The following WDHD1 variants were observed in gnomAD, a reference collection of about 807,000 sequenced individuals.
WDHD1 encodes the protein WD repeat and HMG-box DNA-binding protein 1.
In WDHD1, 111 loss-of-function variants were observed where a neutral mutation model predicts 135.4. That is an observed-to-expected ratio of 0.82 (90% confidence interval 0.70 to 0.96). The LOEUF (loss-of-function observed/expected upper bound fraction) is 0.96. Among genes scored for constraint, WDHD1 ranks in the 40% least tolerant of loss-of-function variants. The probability of loss-of-function intolerance (pLI) is 0.00; values close to 1 mark genes in which losing one functional copy is unlikely to be tolerated. For missense variants in WDHD1, 1,351 were observed against 1,336.3 expected, an observed-to-expected ratio of 1.01 and a Z score of -0.17; for synonymous variants, 434 against 439.0, an observed-to-expected ratio of 0.99 and a Z score of 0.14.
Position 54,991,821 on chromosome 14 carries a change from C to T in WDHD1, c.1154-421G>A, listed in dbSNP as rs74784943. On this transcript the variant is annotated intron_variant, in intron 11 of 25. Transcript: ENST00000360586. ...AGTGATTTTTTTTCATACAACACTA[C>T]TTTTACTTAAAAAACACATGCCAGA... 2.0e-5 allele frequency among the ~76,000 whole-genome samples: 3 copies of T among 151,856 alleles called. No individual in the cohort carries two copies. In the South Asian group the frequency reaches 6.2e-4, roughly 32 times the overall value.
At chr14:55,013,149 C>T (rs2042198825) in intron 3 of WDHD1, among the ~76,000 whole-genome samples, 2 of 139,176 alleles carry the variant, frequency 1.4e-5, no homozygotes, top group African/African-American at 2.8e-5. Context: ...CTGCTTGAGC[C>T]CAGGAGTTTG....
At chr14:55,007,231 TAAAAA>T (rs369698327) in intron 7 of WDHD1, 44 bp downstream of exon 7, 27 of 1,056,712 alleles carry the variant, frequency 2.6e-5, no homozygotes, top group Admixed American at 6.3e-5. Flanking sequence ...CCATCTCTAA[TAAAAA>T]AAAAAAAAAA....
intron 25 of WDHD1, among the ~76,000 whole-genome samples, chr14:54,942,119 CG>C (rs2040848807): frequency 1.3e-5 from 2 of 151,904 alleles, no homozygotes; most frequent in East Asian, 3.9e-4. Flanking sequence ...GGCATGGTAG[CG>C]GGCGCCTGTA....
chr14:55,026,685 A>T, intron 2 of WDHD1, 26 bp downstream of exon 2: 2 of 1,612,410 alleles, frequency 1.2e-6, no homozygotes, highest in Non-Finnish European at 1.7e-6. Context: ...TTTGCACCTA[A>T]AACGTTGTTT....
intron 7 of WDHD1, chr14:55,005,141 C>T (rs1424218336): frequency 1.5e-5 from 8 of 535,398 alleles, no homozygotes; most frequent in African/African-American, 5.7e-5. Flanking sequence ...GCCACACATG[C>T]GAACTTCCTG....
At chr14:54,999,399 C>T (rs1365099444) in intron 10 of WDHD1, among the ~76,000 whole-genome samples, 1 of 152,148 alleles carries the variant, frequency 6.6e-6, no homozygotes, top group Admixed American at 6.5e-5. Flanking sequence ...GACTAGAACA[C>T]TCTATGTGCT....
intron 13 of WDHD1, 141 bp from the exon 14 acceptor site, chr14:54,987,528 AAAGT>A (rs1339288163): frequency 1.2e-5 from 8 of 669,540 alleles, no homozygotes; most frequent in Middle Eastern, 9.1e-4. Flanking sequence ...TTGCTTTAAA[AAAGT>A]AATTATGAAA....
Position 55,008,678 on chromosome 14 carries a change from T to C in WDHD1, c.383A>G (p.Gln128Arg), listed in dbSNP as rs766968345. 6.2e-7 allele frequency: 1 copy of C among 1,613,590 alleles called. No homozygotes were observed. The highest frequency in any genetic ancestry group is 8.5e-7 in the Non-Finnish European group (1 of 1,179,916). Residue 128 changes from glutamine (Q) to arginine (R), a missense_variant, in exon 5 of 26, where the codon CAA (glutamine) becomes CGA (arginine). This residue lies in a region of WDHD1 where 1,330 missense variants were observed against 1,296.1 expected (regional missense o/e 1.03). Coordinates refer to ENST00000360586, the MANE Select transcript of WDHD1 (RefSeq NM_007086.4). ...VKIVDVMDSS[Q>R]QKTFRGHDAP... ...ATCATGTCCTCGAAATGTTTTCTGT[T>C]GGCTGCTATCCATCACATCCACAAT...
At chr14:54,998,208 GA>G (rs112728495) in intron 10 of WDHD1, among the ~76,000 whole-genome samples, 63,585 of 149,762 alleles carry the variant, frequency 0.42, 14,972 homozygotes, top group African/African-American at 0.65. Context: ...TTGCCTCAAA[GA>G]AAAAAAAAAA....
At chr14:54,991,499 A>G in intron 11 of WDHD1, 99 bp from the exon 12 acceptor site, 3 of 1,143,262 alleles carry the variant, frequency 2.6e-6, no homozygotes, top group Non-Finnish European at 3.8e-6. Flanking sequence ...TTCATATTCA[A>G]TGACACTGAC....
rs1261368184 is a variant in WDHD1, at chr14:54,957,093, T to C, written c.2857A>G (p.Thr953Ala). Residue 953 changes from threonine (T) to alanine (A), a missense_variant, in exon 23 of 26, where the codon ACA (threonine) becomes GCA (alanine). Transcript: ENST00000360586. ...SKKSTALSRT[T>A]NNEKSPIIKP... Reference sequence around the variant, plus strand: ...ATAATGGGAGACTTTTCATTATTTGTAGTTCGACTAAGTGCAGTGGATTTC... The same window carrying C: ...ATAATGGGAGACTTTTCATTATTTGCAGTTCGACTAAGTGCAGTGGATTTC... The C allele has an allele frequency of 1.2e-6, 2 of 1,614,116 alleles. No homozygotes were observed. Among genetic ancestry groups the C allele is most frequent in the Non-Finnish European group, 1.7e-6 (2 of 1,180,044 alleles).
intron 16 of WDHD1, among the ~76,000 whole-genome samples, chr14:54,980,744 T>C (rs1366425474): frequency 7.0e-6 from 1 of 143,376 alleles, no homozygotes; most frequent in Admixed American, 7.1e-5. Flanking sequence ...GTGGAGGTTG[T>C]AGTGAACTGA....
Position 55,000,582 on chromosome 14 carries a change from A to G in WDHD1, c.863T>C (p.Ile288Thr). 1 of 1,606,376 alleles carries G rather than the reference A, an allele frequency of 6.2e-7. No homozygotes were observed. The highest frequency in any genetic ancestry group is 1.1e-5 in the South Asian group (1 of 89,820). ...ATTTCCTTCCGCATCAGTATACGAT[A>G]TTCGACCACAAGTAGGATGCCATGC... ...GLAWHPTCGR[I>T]SYTDAEGNLG... The change falls in exon 10 of 26, where the codon ATA becomes ACA. Residue 288 changes from isoleucine (I) to threonine (T), a missense_variant. Coordinates refer to ENST00000360586, the MANE Select transcript of WDHD1 (RefSeq NM_007086.4).
At chr14:54,997,277 G>T (rs2041898225) in intron 10 of WDHD1, among the ~76,000 whole-genome samples, 1 of 151,776 alleles carries the variant, frequency 6.6e-6, no homozygotes, top group Non-Finnish European at 1.5e-5. Context: ...TGTATTTTCA[G>T]TAGAGACGGG....
At chr14:54,972,438 T>C (rs980736519) in intron 16 of WDHD1, among the ~76,000 whole-genome samples, 1 of 147,172 alleles carries the variant, frequency 6.8e-6, no homozygotes, top group Non-Finnish European at 1.5e-5. Flanking sequence ...ATTAGCTGGG[T>C]GTGGTGGTGA....
rs187604531 is a variant in WDHD1, at chr14:55,010,225, G to A, written c.341+84C>T. 1.1e-3 allele frequency: 1,403 copies of A among 1,303,310 alleles called. 2 individuals carry two copies. The highest frequency in any genetic ancestry group is 1.3e-3 in the Non-Finnish European group (1,284 of 994,984). The allele number at this position is 1,303,310 out of a possible 1,614,324, so 80.7% of individuals were successfully genotyped here. ...AACAAACAACAAAAAATTAAGTCAC[G>A]GTCCTGAAAACACTACCCTGAAACA... On this transcript the variant is annotated intron_variant, in intron 4 of 25. Coordinates refer to ENST00000360586, the MANE Select transcript of WDHD1 (RefSeq NM_007086.4).
intron 24 of WDHD1, among the ~76,000 whole-genome samples, chr14:54,947,637 G>A (rs1209362626): frequency 6.6e-6 from 1 of 151,960 alleles, no homozygotes; most frequent in Non-Finnish European, 1.5e-5. Flanking sequence ...TGTTGCCCAG[G>A]CTGGAGTGCA....
chr14:54,988,875 G>A (rs1178821709), intron 13 of WDHD1, among the ~76,000 whole-genome samples, 153 bp downstream of exon 13: 1 of 152,100 alleles, frequency 6.6e-6, no homozygotes, highest in Non-Finnish European at 1.5e-5. Context: ...ATGTTCTGAG[G>A]TATTTTGGGT....
At chr14:54,999,248 A>G (rs1260918685) in intron 10 of WDHD1, among the ~76,000 whole-genome samples, 3 of 152,186 alleles carry the variant, frequency 2.0e-5, no homozygotes, top group Non-Finnish European at 4.4e-5. Context: ...CCCTTACCCA[A>G]GACCACTCAA....
Sources: allele counts gnomAD v4.1 joint callset (sites outside exome capture counted in the v4.1 genomes callset), GRCh38; gene constraint gnomAD v4.1.1; regional missense constraint gnomAD v4.1.1; transcripts MANE v1.5; gene names NCBI Gene and HGNC (gene_info 2026-07-23, HGNC 2026-07-21).